Variants in MACROD2 observed in about 807,000 individuals in gnomAD.
MACROD2 encodes ADP-ribose glycohydrolase MACROD2.
A neutral mutation model predicts 70.4 loss-of-function variants in MACROD2; 36 were observed. The ratio of observed to expected loss-of-function variants is 0.51; its 90% CI spans 0.39 to 0.68. The LOEUF (loss-of-function observed/expected upper bound fraction) is 0.68, where lower values mean the gene tolerates loss of function less well. MACROD2 is among the 30% of genes least tolerant of loss of function. The pLI is 0.00. For missense variants in MACROD2, 496 were observed against 538.4 expected, an observed-to-expected ratio of 0.92 and a Z score of 0.78; for synonymous variants, 172 against 178.8, an observed-to-expected ratio of 0.96 and a Z score of 0.30.
At position 15,992,839 on chromosome 20, in the gene MACROD2, T is replaced by C. The variant is rs138524324; in HGVS notation, c.1153+5681T>C. Among the ~76,000 whole-genome samples, 26 of 152,346 alleles carry C rather than the reference T, an allele frequency of 1.7e-4. No homozygotes were observed. The East Asian group carries it at 5.0e-3, about 29-fold the overall frequency. Reference sequence around the variant, plus strand: ...AAGATGACTCACATAAGTGGAATTCTGTCTTTAAATATTGAGCTTTTTACT... The same window carrying C: ...AAGATGACTCACATAAGTGGAATTCCGTCTTTAAATATTGAGCTTTTTACT... On this transcript the variant is annotated intron_variant, in intron 15 of 17. Coordinates refer to ENST00000684519, the MANE Select transcript of MACROD2 (RefSeq NM_001351661.2).
At chr20:14,494,499 T>C (rs2084831843) in intron 4 of MACROD2, among the ~76,000 whole-genome samples, 1 of 151,706 alleles carries the variant, frequency 6.6e-6, no homozygotes, top group South Asian at 2.1e-4. Flanking sequence ...TATTATCACA[T>C]GTCAGTGCAT....
At chr20:14,001,009 CTT>C (rs1181327373) in intron 1 of MACROD2, among the ~76,000 whole-genome samples, 1 of 152,176 alleles carries the variant, frequency 6.6e-6, no homozygotes, top group Non-Finnish European at 1.5e-5. Flanking sequence ...CTTTTTACCT[CTT>C]CATGCAAAAT....
chr20:14,428,344 T>C (rs1346553744), intron 3 of MACROD2, among the ~76,000 whole-genome samples: 1 of 152,156 alleles, frequency 6.6e-6, no homozygotes, highest in African/African-American at 2.4e-5. Context: ...TATGACTATT[T>C]AACTCTCTCA....
At chr20:14,327,064 C>G in intron 3 of MACROD2, 13 of 1,613,690 alleles carry the variant, frequency 8.1e-6, no homozygotes, top group Non-Finnish European at 9.3e-6. Flanking sequence ...TCGGAATGCT[C>G]CCTCTTCTAT....
chr20:14,168,114 T>C (rs185598971), intron 3 of MACROD2, among the ~76,000 whole-genome samples: 128 of 152,138 alleles, frequency 8.4e-4, no homozygotes, highest in Admixed American at 1.6e-3. Flanking sequence ...TGATTCATAA[T>C]CTCTAAATAT....
At chr20:15,519,060 TTCC>T in intron 8 of MACROD2, among the ~76,000 whole-genome samples, 1 of 34,832 alleles carries the variant, frequency 2.9e-5, no homozygotes, top group Non-Finnish European at 4.9e-5. Context: ...CGCTCTTTCC[TTCC>T]TTCCTTCCTT....
chr20:15,970,813 C>A (rs12624883), intron 13 of MACROD2, among the ~76,000 whole-genome samples: 15 of 152,212 alleles, frequency 9.9e-5, no homozygotes, highest in African/African-American at 3.6e-4. Flanking sequence ...AGAAGAAGTG[C>A]CTGTTCCCAC....
intron 5 of MACROD2, among the ~76,000 whole-genome samples, chr20:14,789,351 C>A (rs996830684): frequency 2.0e-5 from 3 of 149,610 alleles, no homozygotes; most frequent in African/African-American, 7.4e-5. Flanking sequence ...GAAATAAGAT[C>A]ATTTTGCAGC....
chr20:15,505,198 G>A (rs2047410504), intron 8 of MACROD2, among the ~76,000 whole-genome samples: 1 of 152,200 alleles, frequency 6.6e-6, no homozygotes, highest in African/African-American at 2.4e-5. Context: ...AAGTCATGGT[G>A]GTCATATTCA....
intron 5 of MACROD2, among the ~76,000 whole-genome samples, chr20:14,785,990 G>A (rs1412931793): frequency 6.6e-6 from 1 of 152,060 alleles, no homozygotes; most frequent in Non-Finnish European, 1.5e-5. Flanking sequence ...AACAAGAATG[G>A]AGAACATATT....
At chr20:15,678,258 C>G (rs911401432) in intron 8 of MACROD2, among the ~76,000 whole-genome samples, 7 of 152,180 alleles carry the variant, frequency 4.6e-5, no homozygotes, top group African/African-American at 1.7e-4. Flanking sequence ...CCCAACAACT[C>G]AGGAGGCTGA....
rs934857862 is a variant in MACROD2 at position 15,313,091 on chromosome 20, GA to G, written c.540+83036del. On this transcript the variant is annotated intron_variant, in intron 6 of 17. Coordinates refer to ENST00000684519, the MANE Select transcript of MACROD2 (RefSeq NM_001351661.2). ...TTTTAAATATTCTCAGTTAAGATCAGAAAAAATTTTGTAATCTGCTTTTATC... is the reference window on the plus strand; with the variant it reads ...TTTTAAATATTCTCAGTTAAGATCAGAAAAATTTTGTAATCTGCTTTTATC... Among the ~76,000 whole-genome samples, 38 of 152,136 alleles carry G rather than the reference GA, an allele frequency of 2.5e-4. 1 individual carries two copies. The Middle Eastern group carries it at 0.01, about 41-fold the overall frequency.
chr20:14,314,727 T>G (rs567802520), intron 3 of MACROD2, among the ~76,000 whole-genome samples: 3 of 152,034 alleles, frequency 2.0e-5, no homozygotes, highest in African/African-American at 7.2e-5. Flanking sequence ...GCCATTGCAC[T>G]CCTGCCTGGG....
chr20:14,965,738 G>T (rs1267522677), intron 5 of MACROD2, among the ~76,000 whole-genome samples: 1 of 151,758 alleles, frequency 6.6e-6, no homozygotes, highest in Non-Finnish European at 1.5e-5. Context: ...AAAGTGCTGG[G>T]ATTACGGGCG....
chr20:16,004,209 G>C (rs1355238200), intron 15 of MACROD2, among the ~76,000 whole-genome samples: 4 of 152,158 alleles, frequency 2.6e-5, no homozygotes, highest in Admixed American at 2.0e-4. Flanking sequence ...GTATGTCGGA[G>C]ATCAGCCACT....
At chr20:15,416,543 G>A (rs866475374) in intron 6 of MACROD2, among the ~76,000 whole-genome samples, 2 of 152,186 alleles carry the variant, frequency 1.3e-5, no homozygotes, top group South Asian at 2.1e-4. Context: ...CAGCTGCCAA[G>A]AGGATCTCAC....
At chr20:14,363,466 A>T (rs558487310) in intron 3 of MACROD2, among the ~76,000 whole-genome samples, 1 of 152,304 alleles carries the variant, frequency 6.6e-6, no homozygotes, top group South Asian at 2.1e-4. Context: ...GACATAGCAT[A>T]TTTAATATGA....
chr20:15,858,136 G>C (rs1019757550), intron 8 of MACROD2, among the ~76,000 whole-genome samples: 1 of 151,672 alleles, frequency 6.6e-6, no homozygotes, highest in Non-Finnish European at 1.5e-5. Context: ...AAAATCACTC[G>C]ATTCCTGGAC....
intron 6 of MACROD2, among the ~76,000 whole-genome samples, chr20:15,366,344 T>C (rs1291338987): frequency 6.6e-6 from 1 of 152,120 alleles, no homozygotes; most frequent in African/African-American, 2.4e-5. Flanking sequence ...ACCAGAAAAA[T>C]AAGGTGACAC....
Sources: gnomAD v4.1 joint callset for allele counts (sites outside exome capture counted in the v4.1 genomes callset) on GRCh38, gnomAD v4.1.1 for gene constraint, MANE v1.5 for transcripts, NCBI Gene and HGNC (gene_info 2026-07-23, HGNC 2026-07-21) for gene names.